The following PLEKHG7 variants were observed in gnomAD, a reference collection of about 807,000 sequenced individuals.
PLEKHG7 encodes pleckstrin homology domain-containing family G member 7.
A neutral mutation model predicts 85.2 loss-of-function variants in PLEKHG7; 77 were observed. That is an observed-to-expected ratio of 0.90 (90% confidence interval 0.75 to 1.09). The LOEUF (loss-of-function observed/expected upper bound fraction) is 1.09. PLEKHG7 is among the 50% of genes least tolerant of loss of function. The pLI, the probability that PLEKHG7 is intolerant of heterozygous loss-of-function variation, is 0.00. For synonymous variants in PLEKHG7, 301 were observed against 302.4 expected (o/e 1.00, Z 0.05); for missense variants, 777 against 804.3 (o/e 0.97, Z 0.41).
chr12:92,763,446 C>T (rs778427068), intron 14 of PLEKHG7, among the ~76,000 whole-genome samples: 4 of 152,102 alleles, frequency 2.6e-5, no homozygotes, highest in African/African-American at 4.8e-5. Flanking sequence ...TTCCCATTGA[C>T]GTGAGGGTGA....
At chr12:92,739,644 A>G (rs1872290201) in intron 7 of PLEKHG7, among the ~76,000 whole-genome samples, 2 of 152,178 alleles carry the variant, frequency 1.3e-5, no homozygotes, top group African/African-American at 4.8e-5. Context: ...TACACAATCA[A>G]TATGTTTTCC....
chr12:92,719,548 G>A (rs1871580206), intron 3 of PLEKHG7, among the ~76,000 whole-genome samples: 1 of 152,206 alleles, frequency 6.6e-6, no homozygotes, highest in African/African-American at 2.4e-5. Context: ...AACATTCGTA[G>A]CAAAGGAAAA....
intron 10 of PLEKHG7, among the ~76,000 whole-genome samples, chr12:92,746,295 G>C (rs569837998): frequency 1.3e-5 from 2 of 152,330 alleles, no homozygotes; most frequent in African/African-American, 4.8e-5. Context: ...GCTCTTCCCT[G>C]CAGCTGCGAG....
chr12:92,750,896 GACC>G (rs1872672192), intron 10 of PLEKHG7, among the ~76,000 whole-genome samples: 1 of 151,952 alleles, frequency 6.6e-6, no homozygotes, highest in South Asian at 2.1e-4. Flanking sequence ...GCCATGATTG[GACC>G]ACTGCACTTA....
intron 10 of PLEKHG7, among the ~76,000 whole-genome samples, chr12:92,748,882 C>A (rs775191431): frequency 6.6e-6 from 1 of 152,220 alleles, no homozygotes; most frequent in African/African-American, 2.4e-5. Flanking sequence ...AGTGTTTGAG[C>A]CCTTGCTATG....
intron 5 of PLEKHG7, 125 bp downstream of exon 5, chr12:92,732,398 T>C: frequency 1.9e-6 from 1 of 530,274 alleles, no homozygotes; most frequent in East Asian, 3.5e-5. Flanking sequence ...ACGTGAAATA[T>C]AAATGATATC....
At chr12:92,745,245 CTATT>C (rs1354558600) in intron 9 of PLEKHG7, among the ~76,000 whole-genome samples, 1 of 152,196 alleles carries the variant, frequency 6.6e-6, no homozygotes, top group Non-Finnish European at 1.5e-5. Context: ...GAGAAAAAGA[CTATT>C]TATTCAGGTG....
chr12:92,709,769 A>C (rs7310628), intron 3 of PLEKHG7, among the ~76,000 whole-genome samples: 8,147 of 152,294 alleles, frequency 0.053, 735 homozygotes, highest in African/African-American at 0.18. Context: ...CAGGCTGGGC[A>C]CAATGGCTCA....
chr12:92,707,930 G>T (rs961736356), intron 3 of PLEKHG7: 17 of 538,818 alleles, frequency 3.2e-5, no homozygotes, highest in Middle Eastern at 5.1e-4. Context: ...CAATGTCTTG[G>T]CCCTGTGGCT....
At position 92,708,495 on chromosome 12, in the gene PLEKHG7, G is replaced by A. The variant is rs543916035; in HGVS notation, c.530+823G>A. On this transcript the variant is annotated intron_variant, in intron 3 of 16. Transcript: ENST00000344636. ...ACCAAGCCATAGGGAAATGCAAATT[G>A]TTATGTCTGTGTATCAGCTAGCTGT... 5.9e-5 allele frequency: 9 copies of A among 152,334 alleles called. No homozygotes were observed. In the East Asian group the frequency reaches 1.7e-3, roughly 29 times the overall value. The allele number at this position is 152,334 out of a possible 1,614,324, so 9.4% of individuals were successfully genotyped here.
Position 92,736,506 on chromosome 12 carries a change from T to C in PLEKHG7, c.724T>C (p.Ser242Pro), listed in dbSNP as rs1490981937. The C allele has an allele frequency of 1.6e-6, 2 of 1,231,830 alleles. No homozygotes were observed. The highest frequency in any genetic ancestry group is 3.2e-5 in the East Asian group (1 of 31,718). 76.3% of individuals were successfully genotyped at this position (1,231,830 alleles called of 1,614,324 possible). The part of the protein sequence containing the change: ...GVGKDKHKHI[S>P]DLENCLSSVK... ...GGGCAAAGACAAACACAAGCACATA[T>C]CTGATCTGGAAAACTGCCTGTCCTC... Residue 242 changes from serine to proline, a missense_variant, in exon 6 of 17, where the codon TCT becomes CCT. Transcript: ENST00000344636.
At chr12:92,764,299 A>C in intron 15 of PLEKHG7, 105 bp downstream of exon 15, 2 of 1,195,072 alleles carry the variant, frequency 1.7e-6, no homozygotes, top group East Asian at 2.5e-5. Flanking sequence ...TCTTCATAAA[A>C]ACAAGACTGT....
chr12:92,750,104 A>G (rs1872651915), intron 10 of PLEKHG7, among the ~76,000 whole-genome samples: 1 of 151,230 alleles, frequency 6.6e-6, no homozygotes, highest in African/African-American at 2.4e-5. Flanking sequence ...ATCATGGCTC[A>G]CTGCAGCCTC....
intron 11 of PLEKHG7, among the ~76,000 whole-genome samples, chr12:92,754,583 G>T (rs550679289): frequency 6.6e-6 from 1 of 152,128 alleles, no homozygotes; most frequent in African/African-American, 2.4e-5. Context: ...TTTAACAGCC[G>T]TACTGACCCC....
intron 5 of PLEKHG7, among the ~76,000 whole-genome samples, chr12:92,735,400 T>G (rs1872114429): frequency 6.6e-6 from 1 of 152,212 alleles, no homozygotes; most frequent in Non-Finnish European, 1.5e-5. Flanking sequence ...ACGGTCTCCT[T>G]TCAGCACACA....
In PLEKHG7 at chr12:92,770,071, TTTC is replaced by T; in HGVS notation, c.1969-14_1969-12del. The stretch of plus-strand genomic sequence containing the variant: ...ATTCTAATCTCTATTTATGTATTTT[TTTC>T]TTTTTTTCAACAGAAAACATGGATG... On this transcript the variant is annotated splice_polypyrimidine_tract_variant and intron_variant, in intron 16 of 16. Transcript: ENST00000344636. The T allele has an allele frequency of 2.7e-6, 4 of 1,500,388 alleles. No homozygotes were observed. The highest frequency in any genetic ancestry group is 2.3e-5 in the East Asian group (1 of 43,694). 92.9% of individuals were successfully genotyped at this position (1,500,388 alleles called of 1,614,324 possible). A position where few individuals can be genotyped will look rare whatever the true frequency, so the allele number is the denominator to read the frequency against.
At chr12:92,726,953 G>A (rs4760490) in intron 3 of PLEKHG7, among the ~76,000 whole-genome samples, 78,132 of 152,062 alleles carry the variant, frequency 0.51, 20,892 homozygotes, top group East Asian at 0.9. Context: ...CAGTATGCAT[G>A]ATTTGCAAAG....
chr12:92,704,566 T>A lies in PLEKHG7; in HGVS notation c.-162+1434T>A, dbSNP rs751294014. Among the ~76,000 whole-genome samples the A allele has an allele frequency of 6.6e-5, 10 of 152,326 alleles. No homozygotes were observed. The East Asian group carries it at 1.9e-3, about 29-fold the overall frequency. ...AAAAAGGGTACCTCATGGGTTTTAG[T>A]TCTACATGTGAAGTTCTATAACAAT... On this transcript the variant is annotated intron_variant, in intron 1 of 16. Transcript: ENST00000344636.
intron 3 of PLEKHG7, among the ~76,000 whole-genome samples, chr12:92,710,417 T>C (rs1871345262): frequency 6.6e-6 from 1 of 152,134 alleles, no homozygotes; most frequent in Non-Finnish European, 1.5e-5. Context: ...GCTTTGTCCA[T>C]AAAGTGAGTG....
Sources: allele counts gnomAD v4.1 joint callset (sites outside exome capture counted in the v4.1 genomes callset), GRCh38; gene constraint gnomAD v4.1.1; transcripts MANE v1.5; gene names NCBI Gene and HGNC (gene_info 2026-07-23, HGNC 2026-07-21).